The following LSAMP variants were observed in gnomAD, a reference collection of about 807,000 sequenced individuals.
The protein encoded by LSAMP is limbic system-associated membrane protein.
Under a neutral mutation model 38.6 loss-of-function variants are expected in LSAMP, and 7 were observed. The ratio of observed to expected loss-of-function variants is 0.18; its 90% CI spans 0.10 to 0.34. The LOEUF (loss-of-function observed/expected upper bound fraction) is 0.34. Among genes scored for constraint, LSAMP ranks in the 10% least tolerant of loss-of-function variants. LSAMP has a pLI of 1.00. For missense variants in LSAMP, 313 were observed against 420.0 expected (o/e 0.75, Z 2.23); for synonymous variants, 154 against 166.8 (o/e 0.92, Z 0.59).
intron 2 of LSAMP, among the ~76,000 whole-genome samples, chr3:116,049,805 A>G (rs1309073589): frequency 6.6e-6 from 1 of 152,200 alleles, no homozygotes; most frequent in East Asian, 1.9e-4. Flanking sequence ...AATCAACATC[A>G]ATTGCTGAAT....
chr3:115,952,021 A>G (rs1413473610), intron 3 of LSAMP, among the ~76,000 whole-genome samples: 2 of 152,176 alleles, frequency 1.3e-5, no homozygotes, highest in Non-Finnish European at 2.9e-5. Context: ...TGAGATTACC[A>G]CCTTAGTCCT....
chr3:115,965,375 C>A (rs1938767362), intron 3 of LSAMP, among the ~76,000 whole-genome samples: 1 of 151,432 alleles, frequency 6.6e-6, no homozygotes, highest in Non-Finnish European at 1.5e-5. Flanking sequence ...CAGAAAATAT[C>A]AATTCTAACT....
At chr3:116,423,651 T>C (rs929477531) in intron 1 of LSAMP, among the ~76,000 whole-genome samples, 1 of 152,200 alleles carries the variant, frequency 6.6e-6, no homozygotes, top group Admixed American at 6.5e-5. Context: ...CCACGGTCCC[T>C]GGCTGAATAC....
intron 1 of LSAMP, among the ~76,000 whole-genome samples, chr3:116,137,352 C>T (rs1029223289): frequency 2.6e-5 from 4 of 152,062 alleles, no homozygotes; most frequent in Admixed American, 2.0e-4. Context: ...ATTCAACTCA[C>T]TACACCTATT....
intron 3 of LSAMP, among the ~76,000 whole-genome samples, chr3:115,980,632 C>A (rs1467567517): frequency 1.3e-5 from 2 of 152,076 alleles, no homozygotes; most frequent in African/African-American, 2.4e-5. Context: ...CACTTAGATA[C>A]CTTGAATAAT....
intron 3 of LSAMP, among the ~76,000 whole-genome samples, chr3:116,004,005 T>G (rs1940077090): frequency 6.6e-6 from 1 of 152,190 alleles, no homozygotes; most frequent in South Asian, 2.1e-4. Context: ...GGTGCAGATG[T>G]CAAGATAGTT....
intron 1 of LSAMP, among the ~76,000 whole-genome samples, chr3:116,236,049 G>GT (rs941756383): frequency 1.3e-4 from 19 of 151,962 alleles, no homozygotes; most frequent in African/African-American, 3.9e-4. Context: ...CACTGCTTGT[G>GT]TTTTTTTCAC....
chr3:116,206,367 T>G (rs2046069971), intron 1 of LSAMP, among the ~76,000 whole-genome samples: 9 of 151,432 alleles, frequency 5.9e-5, no homozygotes, highest in Admixed American at 5.9e-4. Context: ...CCTGGATTCA[T>G]TAATTTTTTG....
intron 3 of LSAMP, among the ~76,000 whole-genome samples, chr3:116,013,392 A>G (rs1175619288): frequency 6.6e-6 from 1 of 152,200 alleles, no homozygotes; most frequent in African/African-American, 2.4e-5. Context: ...TAAAGTTACT[A>G]AAAAAGAATT....
chr3:116,279,377 TG>T (rs2047096930), intron 1 of LSAMP, among the ~76,000 whole-genome samples: 1 of 152,186 alleles, frequency 6.6e-6, no homozygotes, highest in African/African-American at 2.4e-5. Context: ...TGGCATGCCC[TG>T]GCTACTAGCT....
intron 3 of LSAMP, among the ~76,000 whole-genome samples, chr3:115,861,698 G>T (rs1198175149): frequency 6.6e-6 from 1 of 152,142 alleles, no homozygotes; most frequent in African/African-American, 2.4e-5. Context: ...TTAGGAGGGG[G>T]TACTTATTTT....
At chr3:115,920,691 T>G (rs1047192928) in intron 3 of LSAMP, among the ~76,000 whole-genome samples, 1 of 152,158 alleles carries the variant, frequency 6.6e-6, no homozygotes, top group South Asian at 2.1e-4. Context: ...GTATTCTGTA[T>G]ATGTCTGTTA....
At chr3:115,912,858 A>G (rs1008443394) in intron 3 of LSAMP, among the ~76,000 whole-genome samples, 1 of 152,190 alleles carries the variant, frequency 6.6e-6, no homozygotes, top group African/African-American at 2.4e-5. Flanking sequence ...TATACGAGAC[A>G]AAAAGAACAC....
At chr3:116,090,203 C>T (rs1398650372) in intron 1 of LSAMP, among the ~76,000 whole-genome samples, 1 of 137,612 alleles carries the variant, frequency 7.3e-6, no homozygotes, top group East Asian at 2.1e-4. Flanking sequence ...CAGAGTGAGA[C>T]CTTGTCTAAA....
At chr3:116,350,150 G>A (rs533632195) in intron 1 of LSAMP, among the ~76,000 whole-genome samples, 1 of 152,176 alleles carries the variant, frequency 6.6e-6, no homozygotes, top group East Asian at 1.9e-4. Flanking sequence ...GGATGGAAAT[G>A]AGCCCACGAA....
At chr3:116,423,755 T>TGA (rs2049159706) in intron 1 of LSAMP, among the ~76,000 whole-genome samples, 1 of 152,080 alleles carries the variant, frequency 6.6e-6, no homozygotes, top group South Asian at 2.1e-4. Flanking sequence ...AGAGAGAGAC[T>TGA]GAGAGAGAGA....
chr3:116,423,391 G>A (rs1447515718), intron 1 of LSAMP, among the ~76,000 whole-genome samples: 18 of 152,252 alleles, frequency 1.2e-4, no homozygotes. Context: ...CATTAACAAA[G>A]TTGTTTTCTC....
At chr3:116,037,951 G>C (rs1941084064) in intron 2 of LSAMP, among the ~76,000 whole-genome samples, 1 of 152,064 alleles carries the variant, frequency 6.6e-6, no homozygotes, top group Admixed American at 6.6e-5. Flanking sequence ...TAGTCTCATG[G>C]TTAATGCTTC....
intron 3 of LSAMP, among the ~76,000 whole-genome samples, chr3:115,905,737 G>T (rs1034440241): frequency 6.6e-6 from 1 of 152,156 alleles, no homozygotes; most frequent in African/African-American, 2.4e-5. Flanking sequence ...AAGATGCTAA[G>T]ATGCTCATTC....
Sources: allele counts gnomAD v4.1 joint callset (sites outside exome capture counted in the v4.1 genomes callset), GRCh38; gene constraint gnomAD v4.1.1; transcripts MANE v1.5; gene names NCBI Gene and HGNC (gene_info 2026-07-23, HGNC 2026-07-21).